Variants in NR1D2 observed in about 807,000 individuals in gnomAD.
The protein encoded by NR1D2 is nuclear receptor subfamily 1 group D member 2, also known as V-erbA-related protein 1-related.
In NR1D2, 25 loss-of-function variants were observed where a neutral mutation model predicts 52.2. The ratio of observed to expected loss-of-function variants is 0.48; its 90% confidence interval spans 0.35 to 0.67. The LOEUF (loss-of-function observed/expected upper bound fraction) is 0.67. Among genes scored for constraint, NR1D2 ranks in the 30% least tolerant of loss-of-function variants. The probability of loss-of-function intolerance (pLI) is 0.01; values close to 1 mark genes in which losing one functional copy is unlikely to be tolerated. For synonymous variants in NR1D2, 259 were observed against 230.1 expected (o/e 1.13, Z -1.14); for missense variants, 681 against 707.2 (o/e 0.96, Z 0.42).
In NR1D2 at chr3:23,962,390, T is replaced by C; in HGVS notation, c.931T>C (p.Cys311Arg). Residue 311 changes from cysteine to arginine, a missense_variant, in exon 5 of 8, where the codon TGT becomes CGT. Around this residue, in one of 3 missense-constraint regions of NR1D2, gnomAD observed 475 missense variants for 454.5 expected, o/e 1.05. Transcript: ENST00000312521. Reference sequence around the variant, plus strand: ...CAATGGGCTTAGCAGCCATTTTCCCTGTAGTGAGAGCCAGCAGCATCTCAA... The same window carrying C: ...CAATGGGCTTAGCAGCCATTTTCCCCGTAGTGAGAGCCAGCAGCATCTCAA... Reference protein sequence around the residue: ...CGNGLSSHFPCSESQQHLNGQ... With the variant: ...CGNGLSSHFPRSESQQHLNGQ... The C allele has an allele frequency of 3.1e-6, 5 of 1,614,186 alleles. No homozygotes were observed. Among genetic ancestry groups the C allele is most frequent in the Non-Finnish European group, 4.2e-6 (5 of 1,180,010 alleles).
chr3:23,945,655 C>A, intron 1 of NR1D2, 61 bp downstream of exon 1: 11 of 871,038 alleles, frequency 1.3e-5, no homozygotes, highest in Non-Finnish European at 1.6e-5. Context: ...GCCCGCGGGG[C>A]ACTTTGGGGG....
intron 1 of NR1D2, 37 bp downstream of exon 1, chr3:23,945,631 AG>A (rs777850704): frequency 4.9e-5 from 49 of 1,003,240 alleles, no homozygotes; most frequent in Non-Finnish European, 5.9e-5. Context: ...GGATGGCCGG[AG>A]GGAGCGCTCA....
chr3:23,952,296 C>G (rs984526002), intron 1 of NR1D2, among the ~76,000 whole-genome samples: 6 of 152,196 alleles, frequency 3.9e-5, no homozygotes, highest in Non-Finnish European at 7.3e-5. Flanking sequence ...ATTTGCACCT[C>G]TCACCTCATG....
At chr3:23,949,040 A>G (rs1331581246) in intron 1 of NR1D2, among the ~76,000 whole-genome samples, 2 of 152,158 alleles carry the variant, frequency 1.3e-5, no homozygotes, top group Non-Finnish European at 2.9e-5. Flanking sequence ...AGTAATTTAC[A>G]TGGAGATAAA....
chr3:23,961,389 CTTTTTTTTTTTTTT>C (rs869108010), intron 4 of NR1D2, among the ~76,000 whole-genome samples: 3 of 76,014 alleles, frequency 3.9e-5, no homozygotes, highest in African/African-American at 1.6e-4. Context: ...CTTTTTCTTT[CTTTTTTTTTTTTTT>C]TTTTTTTTTT....
chr3:23,964,961 G>T lies in NR1D2; in HGVS notation c.1147-16G>T. 1 of 1,556,982 alleles carries T rather than the reference G, an allele frequency of 6.4e-7. No homozygotes were observed. On this transcript the variant is annotated splice_polypyrimidine_tract_variant and intron_variant, in intron 5 of 7. Coordinates refer to ENST00000312521, the MANE Select transcript of NR1D2 (RefSeq NM_005126.5). ...CCTCTTAGTATTTAAGAGTTTTTCC[G>T]TTTTATGTATACTAGGTTTGTCCAA...
chr3:23,954,552 A>AG lies in NR1D2; in HGVS notation c.32_33insG (p.Tyr11Ter). The change falls in exon 2 of 8, where the codon TAT becomes TAGT. Residue 11 changes from tyrosine (Y) to a stop codon, truncating the protein, a stop_gained and frameshift_variant. Transcript: ENST00000312521. LOFTEE classifies it high-confidence loss of function. Reference protein sequence around the residue: MEVNAGGVIAYISSSSSASSP... With the variant: MEVNAGGVIA Reference sequence around the variant, plus strand: ...TATTTTCTAGGAGGTGTGATTGCCTATATCAGTTCTTCCAGCTCAGCCTCA... The same window carrying AG: ...TATTTTCTAGGAGGTGTGATTGCCTAGTATCAGTTCTTCCAGCTCAGCCTCA... 6.2e-7 allele frequency: 1 copy of AG among 1,613,972 alleles called. No individual in the cohort carries two copies. Among genetic ancestry groups the AG allele is most frequent in the Non-Finnish European group, 8.5e-7 (1 of 1,179,862 alleles).
rs1706801240 is a variant in NR1D2 at position 23,978,575 on chromosome 3, C to T, written c.*1156C>T. ...GTTTAAAAGTTGATTCATATTCTTACCTTGTGCTGAGAAAGGTTGCATTGC... is the reference window on the plus strand; with the variant it reads ...GTTTAAAAGTTGATTCATATTCTTATCTTGTGCTGAGAAAGGTTGCATTGC... On this transcript the variant is annotated 3_prime_UTR_variant, in exon 8 of 8. Transcript: ENST00000312521. 1 of 151,876 alleles carries T rather than the reference C, an allele frequency of 6.6e-6. No individual in the cohort carries two copies. 9.4% of individuals were successfully genotyped at this position (151,876 alleles called of 1,614,324 possible).
chr3:23,947,027 TA>T (rs1481029798), intron 1 of NR1D2, among the ~76,000 whole-genome samples: 1 of 152,246 alleles, frequency 6.6e-6, no homozygotes, highest in East Asian at 1.9e-4. Context: ...AGAATTTACT[TA>T]TTTTTTTTAA....
intron 3 of NR1D2, 88 bp downstream of exon 3, chr3:23,956,213 T>G: frequency 2.1e-6 from 2 of 944,608 alleles, no homozygotes; most frequent in East Asian, 2.4e-5. Context: ...ATTGATAGTC[T>G]GAGAGACAGT....
At chr3:23,956,179 G>C (rs1056645797) in intron 3 of NR1D2, 54 bp downstream of exon 3, 1 of 1,426,996 alleles carries the variant, frequency 7.0e-7, no homozygotes, top group Non-Finnish European at 9.9e-7. Context: ...TAAGAAGTTG[G>C]GTTTAGATTT....
At position 23,977,955 on chromosome 3, in the gene NR1D2, T is replaced by C. The variant is rs2125301184; in HGVS notation, c.*536T>C. On this transcript the variant is annotated 3_prime_UTR_variant, in exon 8 of 8. Transcript: ENST00000312521. ...TTACTTGCTTGCGGAAAATGAGAAT[T>C]GATGGTGTCCCCAATGCCCCACCTC... The C allele has an allele frequency of 6.6e-6, 1 of 152,328 alleles. No individual in the cohort carries two copies. The highest frequency in any genetic ancestry group is 3.4e-3 in the Middle Eastern group (1 of 290). 9.4% of individuals were successfully genotyped at this position (152,328 alleles called of 1,614,324 possible). A position where few individuals can be genotyped will look rare whatever the true frequency, so the allele number is the denominator to read the frequency against.
intron 7 of NR1D2, among the ~76,000 whole-genome samples, chr3:23,976,345 GATAT>G (rs1484620067): frequency 1.3e-5 from 2 of 149,358 alleles, no homozygotes; most frequent in African/African-American, 5.2e-5. Flanking sequence ...TGAGGGTTAA[GATAT>G]GATATGAGAG....
At chr3:23,952,504 G>C (rs1421317024) in intron 1 of NR1D2, among the ~76,000 whole-genome samples, 1 of 151,838 alleles carries the variant, frequency 6.6e-6, no homozygotes, top group Non-Finnish European at 1.5e-5. Flanking sequence ...GAGGTCGGAA[G>C]TTCGTGACCA....
At chr3:23,970,703 A>AT (rs1436624969) in intron 7 of NR1D2, among the ~76,000 whole-genome samples, 1 of 152,234 alleles carries the variant, frequency 6.6e-6, no homozygotes, top group African/African-American at 2.4e-5. Flanking sequence ...AAGTACACAT[A>AT]TATGAAGTTT....
At chr3:23,954,138 C>G (rs979956588) in intron 1 of NR1D2, among the ~76,000 whole-genome samples, 1 of 152,178 alleles carries the variant, frequency 6.6e-6, no homozygotes, top group Non-Finnish European at 1.5e-5. Flanking sequence ...ATAGCTGGCA[C>G]TACTAGAGGT....
chr3:23,947,602 C>G (rs1425733157), intron 1 of NR1D2, among the ~76,000 whole-genome samples: 1 of 152,210 alleles, frequency 6.6e-6, no homozygotes, highest in Non-Finnish European at 1.5e-5. Flanking sequence ...TGCTGACTCA[C>G]AGTAACCTTG....
At chr3:23,950,395 TCA>T (rs752813932) in intron 1 of NR1D2, among the ~76,000 whole-genome samples, 2 of 152,276 alleles carry the variant, frequency 1.3e-5, no homozygotes, top group Non-Finnish European at 2.9e-5. Context: ...GAAAGTTAAT[TCA>T]CAGAGTTCTT....
rs370800749 is a variant in NR1D2, at chr3:23,977,422, C to T, written c.*3C>T. 1 of 1,570,782 alleles carries T rather than the reference C, an allele frequency of 6.4e-7. No homozygotes were observed. Among genetic ancestry groups the T allele is most frequent in the Non-Finnish European group, 8.6e-7 (1 of 1,160,652 alleles). On this transcript the variant is annotated 3_prime_UTR_variant, in exon 8 of 8. Coordinates refer to ENST00000312521, the MANE Select transcript of NR1D2 (RefSeq NM_005126.5). ...TGGCCTTTAAAGTTCACCCTTAAGGCCTTTGTTTATTTAAACATGAACTGA... is the reference window on the plus strand; with the variant it reads ...TGGCCTTTAAAGTTCACCCTTAAGGTCTTTGTTTATTTAAACATGAACTGA...
Sources: gnomAD v4.1 joint callset for allele counts (sites outside exome capture counted in the v4.1 genomes callset) on GRCh38, gnomAD v4.1.1 for gene constraint, gnomAD v4.1.1 regional missense constraint, MANE v1.5 for transcripts, NCBI Gene and HGNC (gene_info 2026-07-23, HGNC 2026-07-21) for gene names.